Variants in TNFRSF8 observed in about 807,000 individuals in gnomAD.
The protein encoded by TNFRSF8 is tumor necrosis factor receptor superfamily member 8.
TNFRSF8 carries 26 observed loss-of-function variants against 70.8 expected under a neutral mutation model. That is an observed-to-expected ratio of 0.37 (90% CI 0.27 to 0.51). The LOEUF is 0.51. TNFRSF8 is among the 20% of genes least tolerant of loss of function. TNFRSF8 has a pLI of 0.94. For synonymous variants in TNFRSF8, 356 were observed against 339.2 expected (o/e 1.05, Z -0.54); for missense variants, 720 against 807.9 (o/e 0.89, Z 1.32).
chr1:12,103,867 T>C (rs1236539805), intron 3 of TNFRSF8, among the ~76,000 whole-genome samples: 2 of 152,226 alleles, frequency 1.3e-5, no homozygotes, highest in Non-Finnish European at 2.9e-5. Flanking sequence ...TGCATTATTA[T>C]TACTAACTGA....
chr1:12,075,125 T>C (rs1243995392), intron 1 of TNFRSF8, among the ~76,000 whole-genome samples: 2 of 151,874 alleles, frequency 1.3e-5, no homozygotes, highest in East Asian at 3.9e-4. Context: ...ATGCCTGTAA[T>C]CCCAGCTACT....
chr1:12,097,239 C>T, intron 3 of TNFRSF8, 22 bp downstream of exon 3: 1 of 1,586,496 alleles, frequency 6.3e-7, no homozygotes, highest in Non-Finnish European at 8.7e-7. Flanking sequence ...GTTCTCTCTC[C>T]AGGGCCTCCT....
rs1318340511 is a variant in TNFRSF8, at chr1:12,088,060, A to G, written c.151+3509A>G. Among the ~76,000 whole-genome samples the G allele has an allele frequency of 6.6e-6, 1 of 152,130 alleles. No individual in the cohort carries two copies. Among genetic ancestry groups the G allele is most frequent in the Non-Finnish European group, 1.5e-5 (1 of 68,022 alleles). ...TGCCTGCCCTGTGCAGCCAGCACTC[A>G]GCTGTGTGGCCGGGTTTGCTTGTGG... On this transcript the variant is annotated intron_variant, in intron 2 of 14. Transcript: ENST00000263932. This position sits in a 1 kb window ranked among gnomAD's most constrained non-coding sequence, Gnocchi z 4.0.
intron 1 of TNFRSF8, among the ~76,000 whole-genome samples, chr1:12,072,924 C>T (rs2100947938): frequency 1.3e-5 from 2 of 152,324 alleles, no homozygotes. Flanking sequence ...TTTCCTCTCT[C>T]TCCAAACGGT....
At position 12,109,557 on chromosome 1, in the gene TNFRSF8, C is replaced by G. The variant is rs530111216; in HGVS notation, c.422-9C>G. 7 of 1,612,734 alleles carry G rather than the reference C, an allele frequency of 4.3e-6. 1 individual carries two copies. In the South Asian group the frequency reaches 7.7e-5, roughly 18 times the overall value. On this transcript the variant is annotated splice_polypyrimidine_tract_variant and intron_variant, in intron 4 of 14. Coordinates refer to ENST00000263932, the MANE Select transcript of TNFRSF8 (RefSeq NM_001243.5). This position sits in a 1 kb window ranked among gnomAD's most constrained non-coding sequence, Gnocchi z 4.4. ...ACTGATTCTGAAGGCACTGCTGTCC[C>G]CCCTGCAGGCACGGCGCAGAAGAAC... is the stretch of plus-strand genomic sequence containing the variant.
chr1:12,109,729 C>G lies in TNFRSF8; in HGVS notation c.512+73C>G, dbSNP rs529558822. 7.6e-7 allele frequency: 1 copy of G among 1,322,606 alleles called. No homozygotes were observed. The highest frequency in any genetic ancestry group is 1.1e-6 in the Non-Finnish European group (1 of 925,818). 81.9% of individuals were successfully genotyped at this position (1,322,606 alleles called of 1,614,324 possible). A position where few individuals can be genotyped will look rare whatever the true frequency, so the allele number is the denominator to read the frequency against. The stretch of plus-strand genomic sequence containing the variant: ...GATGAGGCTGCCCCACCCCACAGGA[C>G]GCCCATGGTACAACTGGGCTGGGGG... On this transcript the variant is annotated intron_variant, in intron 5 of 14. Transcript: ENST00000263932. The surrounding 1 kb of genome is among the most constrained non-coding windows in gnomAD (Gnocchi z 4.4).
chr1:12,115,666 A>G lies in TNFRSF8; in HGVS notation c.883A>G (p.Asn295Asp). Residue 295 changes from asparagine to aspartate, a missense_variant, in exon 8 of 15, where the codon AAC (asparagine) becomes GAC (aspartate). By Grantham distance (23) the Asn-to-Asp change is conservative (BLOSUM62 1). Coordinates refer to ENST00000263932, the MANE Select transcript of TNFRSF8 (RefSeq NM_001243.5). ...PGMICATSAT[N>D]SCARCVPYPI... ...CATGATCTGTGCCACATCAGCCACC[A>G]ACTCCTGTGCCCGCTGTGTCCCCTA... 6.2e-7 allele frequency: 1 copy of G among 1,614,148 alleles called. No homozygotes were observed. Among genetic ancestry groups the G allele is most frequent in the Non-Finnish European group, 8.5e-7 (1 of 1,180,024 alleles).
chr1:12,123,404 T>C, intron 9 of TNFRSF8, 27 bp downstream of exon 9: 1 of 1,580,202 alleles, frequency 6.3e-7, no homozygotes, highest in Non-Finnish European at 8.6e-7. Context: ...TTCTCTCTGT[T>C]TGGCTGCTGC....
intron 3 of TNFRSF8, among the ~76,000 whole-genome samples, chr1:12,102,978 G>A (rs1450049212): frequency 6.6e-6 from 1 of 152,112 alleles, no homozygotes; most frequent in Non-Finnish European, 1.5e-5. Flanking sequence ...AATGGCTAAC[G>A]GTGTGGGACA....
chr1:12,125,717 A>G (rs11121876), intron 10 of TNFRSF8, among the ~76,000 whole-genome samples: 16,127 of 152,130 alleles, frequency 0.11, 1,760 homozygotes, highest in East Asian at 0.35. Flanking sequence ...AGACGCCTCA[A>G]TTTCTCACTC....
In TNFRSF8 at chr1:12,111,898, G is replaced by A; in HGVS notation, c.677G>A (p.Gly226Asp). 1 of 1,613,968 alleles carries A rather than the reference G, an allele frequency of 6.2e-7. No individual in the cohort carries two copies. Among genetic ancestry groups the A allele is most frequent in the Non-Finnish European group, 8.5e-7 (1 of 1,179,836 alleles). ...GCAGCTTCTCTGCTTCTTTCCCCAG[G>A]TCTGTCCCCAACACAGCCATGCCCA... is the stretch of plus-strand genomic sequence containing the variant. The part of the protein sequence containing the change: ...SSVGRPSSDP[G>D]LSPTQPCPEG... Residue 226 changes from glycine (G) to aspartate (D), a missense_variant and splice_region_variant, in exon 7 of 15, where the codon GGT (glycine) becomes GAT (aspartate). By Grantham distance (94) the Gly-to-Asp change is moderately conservative. Transcript: ENST00000263932.
In TNFRSF8 at chr1:12,138,559, C is replaced by A; in HGVS notation, c.1543+123C>A. 1 of 992,726 alleles carries A rather than the reference C, an allele frequency of 1.0e-6. No individual in the cohort carries two copies. Among genetic ancestry groups the A allele is most frequent in the Non-Finnish European group, 1.5e-6 (1 of 684,784 alleles). 61.5% of individuals were successfully genotyped at this position (992,726 alleles called of 1,614,324 possible). A position where few individuals can be genotyped will look rare whatever the true frequency, so the allele number is the denominator to read the frequency against. On this transcript the variant is annotated intron_variant, in intron 14 of 14. Coordinates refer to ENST00000263932, the MANE Select transcript of TNFRSF8 (RefSeq NM_001243.5). This position sits in a 1 kb window ranked among gnomAD's most constrained non-coding sequence, Gnocchi z 5.7. ...GTTGAAAGGCCCAGGAAAGGAGAGG[C>A]ATAGATTCTTCACCCCAATTGAAGT...
intron 1 of TNFRSF8, among the ~76,000 whole-genome samples, chr1:12,083,226 AC>A (rs2100966120): frequency 6.6e-6 from 1 of 152,326 alleles, no homozygotes; most frequent in African/African-American, 2.4e-5. Context: ...TACTAGTACG[AC>A]TACTTTAGAA....
intron 12 of TNFRSF8, among the ~76,000 whole-genome samples, chr1:12,134,996 G>A (rs563454666): frequency 1.3e-5 from 2 of 152,100 alleles, no homozygotes; most frequent in Non-Finnish European, 2.9e-5. Context: ...GAGTGGTTCA[G>A]TGTGTTCATT....
chr1:12,071,446 G>C (rs1034687474), intron 1 of TNFRSF8, among the ~76,000 whole-genome samples: 6 of 152,024 alleles, frequency 3.9e-5, no homozygotes, highest in Non-Finnish European at 8.8e-5. Flanking sequence ...CTCAAAAAAA[G>C]AAAAAAGTCT....
At chr1:12,122,921 C>T (rs559751347) in intron 8 of TNFRSF8, among the ~76,000 whole-genome samples, 34 of 152,016 alleles carry the variant, frequency 2.2e-4, no homozygotes, top group African/African-American at 3.1e-4. Context: ...CTCCACCTCC[C>T]GGGTTCAAAC....
intron 1 of TNFRSF8, among the ~76,000 whole-genome samples, chr1:12,083,855 C>G (rs11569816): frequency 2.0e-5 from 3 of 152,132 alleles, no homozygotes; most frequent in African/African-American, 7.2e-5. Flanking sequence ...GAATGGACTG[C>G]GTAATTCTAC....
At chr1:12,120,683 G>C (rs1641812594) in intron 8 of TNFRSF8, among the ~76,000 whole-genome samples, 1 of 152,096 alleles carries the variant, frequency 6.6e-6, no homozygotes, top group South Asian at 2.1e-4. Flanking sequence ...TTCTTAAATG[G>C]AGGCTGAGTA....
rs542462017 is a variant in TNFRSF8 at position 12,114,694 on chromosome 1, C to CTTT, written c.794-856_794-854dup. Among the ~76,000 whole-genome samples the CTTT allele has an allele frequency of 2.6e-3, 199 of 77,036 alleles. 20 individuals are homozygous for CTTT. The highest frequency in any genetic ancestry group is 3.6e-3 in the Non-Finnish European group (161 of 44,644). 50.5% of individuals were successfully genotyped at this position (77,036 alleles called of 152,430 possible). On this transcript the variant is annotated intron_variant, in intron 7 of 14. Coordinates refer to ENST00000263932, the MANE Select transcript of TNFRSF8 (RefSeq NM_001243.5). ...TTTTTGCTTTTGGAGGAAAAAAAAT[C>CTTT]TTTTTTTTTTTTTTTTTTTTTTTTT...
Sources: allele counts gnomAD v4.1 joint callset (sites outside exome capture counted in the v4.1 genomes callset), GRCh38; gene constraint gnomAD v4.1.1; non-coding constraint Gnocchi (gnomAD v3.1); transcripts MANE v1.5; gene names NCBI Gene and HGNC (gene_info 2026-07-23, HGNC 2026-07-21).